DPT: variants seen among roughly 807,000 people sequenced by gnomAD.
DPT encodes the protein dermatopontin.
In DPT, 21 loss-of-function variants were observed where a neutral mutation model predicts 31.2. That is an observed-to-expected ratio of 0.67 (90% CI 0.48 to 0.97). The LOEUF is 0.97. DPT is among the 50% of genes least tolerant of loss of function. The pLI is 0.00. For missense variants in DPT, 262 were observed against 258.8 expected, an observed-to-expected ratio of 1.01 and a Z score of -0.08; for synonymous variants, 91 against 86.9, an observed-to-expected ratio of 1.05 and a Z score of -0.26.
chr1:168,711,621 C>A (rs10918962), intron 2 of DPT, among the ~76,000 whole-genome samples: 5,299 of 152,278 alleles, frequency 0.035, 312 homozygotes, highest in African/African-American at 0.12. Flanking sequence ...TAACCAACCC[C>A]GCTCTCAAGT....
rs1572635397 is a variant in DPT at position 168,728,775 on chromosome 1, G to T, written c.305+95C>A. On this transcript the variant is annotated intron_variant, in intron 1 of 3. Coordinates refer to ENST00000367817, the MANE Select transcript of DPT (RefSeq NM_001937.5). The stretch of plus-strand genomic sequence containing the variant: ...TTGGGGTGGGATTTGCCCAGGCTTT[G>T]GTTACTGATATTCCTTGAGAGTCTA... The T allele has an allele frequency of 1.8e-5, 26 of 1,476,978 alleles. No homozygotes were observed. The East Asian group carries it at 5.5e-4, about 31-fold the overall frequency. The allele number at this position is 1,476,978 out of a possible 1,614,324, so 91.5% of individuals were successfully genotyped here.
At chr1:168,716,567 C>G (rs533619) in intron 1 of DPT, among the ~76,000 whole-genome samples, 39 of 151,700 alleles carry the variant, frequency 2.6e-4, no homozygotes, top group Middle Eastern at 3.2e-3. Flanking sequence ...CTTTAAGTTC[C>G]GGGATACAAG....
chr1:168,714,695 A>G (rs1557849502), intron 1 of DPT, among the ~76,000 whole-genome samples: 1 of 152,274 alleles, frequency 6.6e-6, no homozygotes, highest in Non-Finnish European at 1.5e-5. Context: ...GCCATTTAAA[A>G]TAAAAGGTAT....
intron 1 of DPT, among the ~76,000 whole-genome samples, chr1:168,720,069 G>T (rs1429765589): frequency 6.6e-6 from 1 of 152,186 alleles, no homozygotes; most frequent in South Asian, 2.1e-4. Context: ...TGGGGTGCAG[G>T]GGAAAGAGCC....
At chr1:168,727,856 C>T (rs955751817) in intron 1 of DPT, among the ~76,000 whole-genome samples, 41 of 152,014 alleles carry the variant, frequency 2.7e-4, no homozygotes, top group African/African-American at 9.7e-4. Context: ...GTGCTTGACC[C>T]CTCCAATCCC....
intron 1 of DPT, among the ~76,000 whole-genome samples, chr1:168,724,067 T>C (rs1287535050): frequency 2.0e-5 from 3 of 152,198 alleles, no homozygotes; most frequent in Non-Finnish European, 4.4e-5. Flanking sequence ...TTAGCCCTTA[T>C]GGCTTTTGAA....
chr1:168,716,943 C>T (rs1242035775), intron 1 of DPT, among the ~76,000 whole-genome samples: 1 of 152,194 alleles, frequency 6.6e-6, no homozygotes, highest in Non-Finnish European at 1.5e-5. Context: ...TTTGCTTTAT[C>T]CAGTCTATCA....
chr1:168,728,724 C>G, intron 1 of DPT, 146 bp downstream of exon 1: 1 of 999,000 alleles, frequency 1.0e-6, no homozygotes, highest in Non-Finnish European at 1.5e-6. Flanking sequence ...CAGCCCTGCT[C>G]CACCCAGAGC....
chr1:168,729,054 A>G lies in DPT; in HGVS notation c.121T>C (p.Leu41=), dbSNP rs1356808506. 1.2e-6 allele frequency: 2 copies of G among 1,614,112 alleles called. No individual in the cohort carries two copies. The highest frequency in any genetic ancestry group is 2.7e-5 in the African/African-American group (2 of 74,944). The change falls in exon 1 of 4, where the codon TTG becomes CTG. Residue 41 remains leucine (L), a synonymous_variant. Transcript: ENST00000367817. ...TGGTAGCTGAAGCCTTGCCGGTTCA[A>G]ATTCACCCACCCATCATCGCTGTAG... The part of the protein sequence containing the change: ...HDYSDDGWVN[L]NRQGFSYQCP...
intron 2 of DPT, among the ~76,000 whole-genome samples, chr1:168,701,675 A>G (rs1282196005): frequency 1.3e-5 from 2 of 152,224 alleles, no homozygotes; most frequent in East Asian, 3.8e-4. Flanking sequence ...GTTATAGTCA[A>G]CAAAGTGTTC....
At chr1:168,710,707 A>G (rs1408680293) in intron 2 of DPT, among the ~76,000 whole-genome samples, 1 of 152,112 alleles carries the variant, frequency 6.6e-6, no homozygotes, top group Non-Finnish European at 1.5e-5. Context: ...GAGGAACGAT[A>G]CCTAGCATTC....
chr1:168,698,960 A>C (rs1460273653), intron 3 of DPT, among the ~76,000 whole-genome samples: 4 of 152,034 alleles, frequency 2.6e-5, no homozygotes, highest in African/African-American at 9.7e-5. Context: ...TATTTATTTT[A>C]TTTTATTTTG....
Position 168,729,040 on chromosome 1 carries a change from G to C in DPT, c.135C>G (p.Gly45=). ...DDGWVNLNRQ[G]FSYQCPQGQV... is the part of the protein sequence containing the mutation. Reference sequence around the variant, plus strand: ...GCCCCTGGGGACACTGGTAGCTGAAGCCTTGCCGGTTCAAATTCACCCACC... The same window carrying C: ...GCCCCTGGGGACACTGGTAGCTGAACCCTTGCCGGTTCAAATTCACCCACC... Residue 45 remains glycine, a synonymous_variant, in exon 1 of 4, where the codon GGC becomes GGG. Coordinates refer to ENST00000367817, the MANE Select transcript of DPT (RefSeq NM_001937.5). 1 of 1,614,218 alleles carries C rather than the reference G, an allele frequency of 6.2e-7. No individual in the cohort carries two copies.
intron 2 of DPT, 141 bp from the exon 3 acceptor site, chr1:168,701,265 A>C: frequency 1.5e-6 from 1 of 669,040 alleles, no homozygotes; most frequent in Admixed American, 2.5e-5. Context: ...TCCACCAAAC[A>C]ACTCCAGGCT....
intron 3 of DPT, among the ~76,000 whole-genome samples, chr1:168,700,081 A>G (rs1351294622): frequency 6.6e-6 from 1 of 152,124 alleles, no homozygotes; most frequent in Non-Finnish European, 1.5e-5. Context: ...GGTAGATGCT[A>G]TGGTCTGAAT....
At chr1:168,721,189 G>C (rs906479694) in intron 1 of DPT, among the ~76,000 whole-genome samples, 2 of 152,170 alleles carry the variant, frequency 1.3e-5, no homozygotes, top group Non-Finnish European at 2.9e-5. Context: ...ACACAGTTGG[G>C]GGCAAGTTTG....
chr1:168,709,050 A>T (rs1649789335), intron 2 of DPT, among the ~76,000 whole-genome samples: 1 of 152,226 alleles, frequency 6.6e-6, no homozygotes, highest in African/African-American at 2.4e-5. Flanking sequence ...AGTCTGAGAG[A>T]CAGAATATCA....
chr1:168,702,169 A>T (rs1242178358), intron 2 of DPT, among the ~76,000 whole-genome samples: 1 of 152,176 alleles, frequency 6.6e-6, no homozygotes. Context: ...CGCTTGGAAA[A>T]CAACTAGTTT....
chr1:168,703,981 T>C (rs761615323), intron 2 of DPT, among the ~76,000 whole-genome samples: 9 of 152,146 alleles, frequency 5.9e-5, no homozygotes, highest in Non-Finnish European at 1.3e-4. Flanking sequence ...AGCCCAGTAA[T>C]AGCTCCTTAG....
Sources: gnomAD v4.1 joint callset for allele counts (sites outside exome capture counted in the v4.1 genomes callset) on GRCh38, gnomAD v4.1.1 for gene constraint, MANE v1.5 for transcripts, NCBI Gene and HGNC (gene_info 2026-07-23, HGNC 2026-07-21) for gene names.